Variants in STRA6 observed in about 807,000 individuals in gnomAD.
The protein encoded by STRA6 is signaling receptor and transporter of retinol STRA6.
A neutral mutation model predicts 83.6 loss-of-function variants in STRA6; 48 were observed. The observed-to-expected ratio is 0.57, with a 90% CI of 0.46 to 0.73. The LOEUF (loss-of-function observed/expected upper bound fraction) is 0.73, where lower values mean the gene tolerates loss of function less well. Among genes scored for constraint, STRA6 ranks in the 30% least tolerant of loss-of-function variants. The pLI, the probability that STRA6 is intolerant of heterozygous loss-of-function variation, is 0.00. For missense variants in STRA6, 760 were observed against 838.8 expected (o/e 0.91, Z 1.16); for synonymous variants, 353 against 362.3 (o/e 0.97, Z 0.29).
chr15:74,205,306 C>G (rs1032080601), upstream of STRA6, among the ~76,000 whole-genome samples: 1 of 152,168 alleles, frequency 6.6e-6, no homozygotes, highest in Non-Finnish European at 1.5e-5. Flanking sequence ...ATGTGGCTCA[C>G]AGTTCTGCAG....
chr15:74,182,807 T>G (rs1366708470), intron 14 of STRA6: 2 of 324,838 alleles, frequency 6.2e-6, no homozygotes, highest in African/African-American at 4.3e-5. Context: ...CATATTAAAC[T>G]GATGTTTGCA....
At chr15:74,182,578 TC>T in intron 14 of STRA6, 118 bp from the exon 15 acceptor site, 1 of 770,694 alleles carries the variant, frequency 1.3e-6, no homozygotes, top group Admixed American at 2.1e-5. Flanking sequence ...AGATCTCTGC[TC>T]TGCCACTGCC....
At chr15:74,194,768 G>A (rs1405717272) in intron 7 of STRA6, 1 of 1,268,750 alleles carries the variant, frequency 7.9e-7, no homozygotes, top group Non-Finnish European at 9.9e-7. Context: ...AAGTGGTGAA[G>A]CTGGATTCAC....
At chr15:74,197,930 AC>A in intron 2 of STRA6, 112 bp from the exon 3 acceptor site, 1 of 1,118,856 alleles carries the variant, frequency 8.9e-7, no homozygotes, top group Non-Finnish European at 1.3e-6. Context: ...ACCTCCCTCA[AC>A]CCTCTGATCC....
chr15:74,193,589 T>A (rs2073655071), intron 8 of STRA6, among the ~76,000 whole-genome samples: 1 of 152,176 alleles, frequency 6.6e-6, no homozygotes. Flanking sequence ...CACAGCCCAG[T>A]GCCGCGGGTA....
chr15:74,195,962 C>T (rs1239704294), intron 5 of STRA6, 46 bp downstream of exon 5: 2 of 1,611,742 alleles, frequency 1.2e-6, no homozygotes, highest in Admixed American at 1.7e-5. Flanking sequence ...CCCCACCCTA[C>T]CCCATCCCAT....
chr15:74,179,722 G>A lies in STRA6; in HGVS notation c.*358C>T. 4.5e-6 allele frequency: 1 copy of A among 222,282 alleles called. No individual in the cohort carries two copies. The highest frequency in any genetic ancestry group is 9.0e-6 in the Non-Finnish European group (1 of 110,964). 13.8% of individuals were successfully genotyped at this position (222,282 alleles called of 1,614,324 possible). A position where few individuals can be genotyped will look rare whatever the true frequency, so the allele number is the denominator to read the frequency against. On this transcript the variant is annotated 3_prime_UTR_variant, in exon 19 of 19. Coordinates refer to ENST00000395105, the MANE Select transcript of STRA6 (RefSeq NM_022369.4). ...GCGTGAAGGCCAAGGCTGAGGTGGA[G>A]CTGGGCTGGAGTGGTTCCAGAGAAG... is the stretch of plus-strand genomic sequence containing the variant.
At chr15:74,180,724 TC>T in intron 18 of STRA6, 57 bp downstream of exon 18, 1 of 1,554,760 alleles carries the variant, frequency 6.4e-7, no homozygotes, top group Non-Finnish European at 8.7e-7. Context: ...GGGGCACACA[TC>T]CTTCCTAGAA....
At chr15:74,202,989 C>G, upstream of STRA6, 1 of 986,572 alleles carries the variant, frequency 1.0e-6, no homozygotes, top group Non-Finnish European at 1.2e-6. Context: ...CCGCACCTGA[C>G]TTCACACACA....
At chr15:74,186,064 T>G (rs554124471) in intron 12 of STRA6, among the ~76,000 whole-genome samples, 1 of 152,296 alleles carries the variant, frequency 6.6e-6, no homozygotes, top group South Asian at 2.1e-4. Flanking sequence ...CGATAGCGCC[T>G]TTAGGATCAC....
chr15:74,189,246 G>T lies in STRA6; in HGVS notation c.959C>A (p.Pro320His). 1 of 1,606,424 alleles carries T rather than the reference G, an allele frequency of 6.2e-7. No individual in the cohort carries two copies. Among genetic ancestry groups the T allele is most frequent in the East Asian group, 2.2e-5 (1 of 44,624 alleles). ...VALLLLVGVV[P>H]TIQKVRAGVT... ...CCCTGCCCTCACCTTCTGGATAGTG[G>T]GTACCACGCCCACCAGCAGCAGCAG... Residue 320 changes from proline to histidine, a missense_variant, in exon 12 of 19, where the codon CCC becomes CAC. By Grantham distance (77) the Pro-to-His change is moderately conservative. Transcript: ENST00000395105.
At chr15:74,207,668 A>G, upstream of STRA6, 1 of 1,529,726 alleles carries the variant, frequency 6.5e-7, no homozygotes, top group Non-Finnish European at 8.8e-7. Flanking sequence ...GAGGCGTTCC[A>G]GGAGTGGGGG....
At chr15:74,200,188 C>G (rs1307567930) in intron 2 of STRA6, among the ~76,000 whole-genome samples, 1 of 152,162 alleles carries the variant, frequency 6.6e-6, no homozygotes, top group African/African-American at 2.4e-5. Context: ...CCACTGCACT[C>G]CAACCCGGGC....
chr15:74,195,071 C>G lies in STRA6; in HGVS notation c.597+231G>C, dbSNP rs1303538319. 3.5e-6 allele frequency: 5 copies of G among 1,447,804 alleles called. No individual in the cohort carries two copies. The East Asian group carries it at 1.2e-4, about 36-fold the overall frequency. 89.7% of individuals were successfully genotyped at this position (1,447,804 alleles called of 1,614,324 possible). ...ACTCTGCCCACTTCCCCTTCTCCGC[C>G]ACCTCCTAGACTTAAAGTTCCTGAG... is the stretch of plus-strand genomic sequence containing the variant. On this transcript the variant is annotated intron_variant, in intron 7 of 18. Transcript: ENST00000395105.
rs144114337 is a variant in STRA6, at chr15:74,180,781, C to A, written c.1840+1G>T. 1 of 1,603,796 alleles carries A rather than the reference C, an allele frequency of 6.2e-7. No homozygotes were observed. Among genetic ancestry groups the A allele is most frequent in the African/African-American group, 1.3e-5 (1 of 74,708 alleles). On this transcript the variant is annotated splice_donor_variant, in intron 18 of 18. Transcript: ENST00000395105. LOFTEE classifies it high-confidence loss of function. ...CCCCCATTCCCAGTGGGAGGGCGCA[C>A]CTTCGTCTTCCTCCCCTGGTCTGAG...
Position 74,181,311 on chromosome 15 carries a change from G to GGCTCTCGGTGGCA in STRA6, c.1655_1667dup (p.Leu559GlufsTer19). 1.2e-6 allele frequency: 2 copies of GGCTCTCGGTGGCA among 1,611,892 alleles called. No individual in the cohort carries two copies. The highest frequency in any genetic ancestry group is 1.7e-6 in the Non-Finnish European group (2 of 1,179,512). On this transcript the variant is annotated frameshift_variant, in exon 17 of 19. Transcript: ENST00000395105. LOFTEE classifies it high-confidence loss of function. ...TGACCTTACCGGGGTCGAGAGTGGC[G>GGCTCTCGGTGGCA]GCTCTCGGTGGCAGCAGGCTGAGGT...
chr15:74,197,348 C>T lies in STRA6; in HGVS notation c.256G>A (p.Gly86Ser), dbSNP rs748487112. The T allele has an allele frequency of 4.5e-5, 70 of 1,549,990 alleles. No individual in the cohort carries two copies. Among genetic ancestry groups the T allele is most frequent in the South Asian group, 1.1e-4 (9 of 84,024 alleles). ...LWPDCVRGRP[G>S]LPSPVDFLAG... ...GGCCATGGTACAAACCTGGGCAGGC[C>T]GGGCCTGCCACGCACACAGTCAGGC... The change falls in exon 4 of 19, where the codon GGC (glycine) becomes AGC (serine). Residue 86 changes from glycine (G) to serine (S), a missense_variant. Gly to Ser is a moderately conservative substitution (Grantham distance 56). Coordinates refer to ENST00000395105, the MANE Select transcript of STRA6 (RefSeq NM_022369.4).
chr15:74,180,339 G>A (rs1027561342), intron 18 of STRA6, 96 bp from the exon 19 acceptor site: 44 of 1,506,758 alleles, frequency 2.9e-5, no homozygotes, highest in Admixed American at 1.3e-4. Flanking sequence ...AATCCCAGGC[G>A]TGTGCAGGTC....
rs777498018 is a variant in STRA6, at chr15:74,202,216, A to G, written c.52T>C (p.Tyr18His). The change falls in exon 2 of 19, where the codon TAC becomes CAC. Residue 18 changes from tyrosine to histidine, a missense_variant. Physicochemically the swap from Tyr to His is moderately conservative, Grantham distance 83. Transcript: ENST00000395105. ...TCGATGTACCAGCTGCCATAGGAGT[A>G]GTCCTCTGTGGCCCCGGGGGAGGTC... is the stretch of plus-strand genomic sequence containing the variant. ...NQTSPGATED[Y>H]SYGSWYIDEP... The G allele has an allele frequency of 5.9e-6, 9 of 1,532,264 alleles. No homozygotes were observed. In the African/African-American group the frequency reaches 1.3e-4, roughly 21 times the overall value. The allele number at this position is 1,532,264 out of a possible 1,614,324, so 94.9% of individuals were successfully genotyped here. A position where few individuals can be genotyped will look rare whatever the true frequency, so the allele number is the denominator to read the frequency against.
Sources: gnomAD v4.1 joint callset for allele counts (sites outside exome capture counted in the v4.1 genomes callset) on GRCh38, gnomAD v4.1.1 for gene constraint, MANE v1.5 for transcripts, NCBI Gene and HGNC (gene_info 2026-07-23, HGNC 2026-07-21) for gene names.